Variants in GNAS observed in about 807,000 individuals in gnomAD.
GNAS encodes the protein GNAS complex locus.
A neutral mutation model predicts 54.5 loss-of-function variants in GNAS; 8 were observed. That is an observed-to-expected ratio of 0.15 (90% CI 0.09 to 0.26). GNAS has a LOEUF of 0.26. GNAS is among the 10% of genes least tolerant of loss of function. GNAS has a pLI of 1.00. For synonymous variants in GNAS, 204 were observed against 191.4 expected, an observed-to-expected ratio of 1.07 and a Z score of -0.54; for missense variants, 170 against 529.8, an observed-to-expected ratio of 0.32 and a Z score of 6.67.
chr20:58,859,868 C>T (rs2086692142), intron 1 of GNAS, among the ~76,000 whole-genome samples: 1 of 151,874 alleles, frequency 6.6e-6, no homozygotes, highest in South Asian at 2.1e-4. Flanking sequence ...TCGTGATCCG[C>T]CCGCCTCAGC....
At chr20:58,882,005 T>C (rs2088252829) in intron 1 of GNAS, among the ~76,000 whole-genome samples, 1 of 152,232 alleles carries the variant, frequency 6.6e-6, no homozygotes, top group African/African-American at 2.4e-5. Context: ...AGTTAGATTG[T>C]CTCTTTTCCC....
chr20:58,854,219 CGACGACA>C lies in GNAS; in HGVS notation c.43+13334_43+13340del, dbSNP rs758720981. On this transcript the variant is annotated intron_variant, in intron 1 of 12. Coordinates refer to the GNAS transcript ENST00000306090. ...AGATTGGCAGCGCCCCCGCTGGGGT[CGACGACA>C]CTCCCGTCAACATGGACAGCCCCCC... 3 of 1,613,108 alleles carry C rather than the reference CGACGACA, an allele frequency of 1.9e-6. No individual in the cohort carries two copies. The South Asian group carries it at 3.3e-5, about 18-fold the overall frequency.
intron 1 of GNAS, among the ~76,000 whole-genome samples, chr20:58,844,413 G>A (rs976729825): frequency 1.3e-5 from 2 of 152,152 alleles, no homozygotes; most frequent in African/African-American, 4.8e-5. Context: ...TTGTTCTGTT[G>A]TGGGGTTTTG....
intron 3 of GNAS, chr20:58,902,851 C>T (rs2090754830): frequency 6.5e-6 from 1 of 154,358 alleles, no homozygotes. Context: ...CCTGCCTCAG[C>T]CTCCCTAGTA....
intron 1 of GNAS, chr20:58,855,749 C>A (rs1267519174): frequency 1.6e-6 from 1 of 620,246 alleles, no homozygotes; most frequent in Non-Finnish European, 2.9e-6. Context: ...GCGCGCCCCG[C>A]CTCGCCTGGC....
At chr20:58,886,447 C>A (rs934659979), upstream of GNAS, among the ~76,000 whole-genome samples, 6 of 152,152 alleles carry the variant, frequency 3.9e-5, no homozygotes, top group Non-Finnish European at 5.9e-5. Flanking sequence ...CTTTGTCCCT[C>A]CCTGAAATCT....
At chr20:58,870,655 T>C (rs2087380600) in intron 1 of GNAS, among the ~76,000 whole-genome samples, 1 of 152,226 alleles carries the variant, frequency 6.6e-6, no homozygotes, top group African/African-American at 2.4e-5. Context: ...TCTGTGCTTT[T>C]CTCAGGGGAG....
At chr20:58,872,208 A>G (rs191754175) in intron 1 of GNAS, among the ~76,000 whole-genome samples, 85 of 152,290 alleles carry the variant, frequency 5.6e-4, no homozygotes, top group Admixed American at 3.2e-3. Flanking sequence ...CGATGGTCCA[A>G]TTTTTGTTTT....
At chr20:58,859,407 G>T (rs980264745) in intron 1 of GNAS, among the ~76,000 whole-genome samples, 5 of 152,046 alleles carry the variant, frequency 3.3e-5, no homozygotes, top group African/African-American at 1.2e-4. Context: ...TCACCATGTT[G>T]TTCAAGCTGG....
upstream of GNAS, chr20:58,840,698 G>A (rs371055001): frequency 3.2e-5 from 51 of 1,604,044 alleles, no homozygotes; most frequent in East Asian, 6.2e-4. This position sits in a 1 kb window ranked among gnomAD's most constrained non-coding sequence, Gnocchi z 6.0. Context: ...CAAGCCCGAG[G>A]ACAAAGATCC....
At position 58,899,134 on chromosome 20, in the gene GNAS, C is replaced by A. The variant is rs957927249; in HGVS notation, c.257+149C>A. On this transcript the variant is annotated intron_variant, in intron 3 of 12. Coordinates refer to ENST00000371085, the MANE Select transcript of GNAS (RefSeq NM_000516.7). ...TTGGCATACATTTGTGAATAACACA[C>A]AATTTCCTGACATTTTGGAGCAAGT... 8 of 749,822 alleles carry A rather than the reference C, an allele frequency of 1.1e-5. No homozygotes were observed. In the Admixed American group the frequency reaches 1.4e-4, roughly 13 times the overall value. 46.4% of individuals were successfully genotyped at this position (749,822 alleles called of 1,614,324 possible).
chr20:58,896,641 GA>G (rs906951855), intron 2 of GNAS, among the ~76,000 whole-genome samples: 3 of 150,772 alleles, frequency 2.0e-5, no homozygotes, highest in Admixed American at 1.3e-4. Flanking sequence ...AAAAGAAAAA[GA>G]AAAAACAAAA....
rs374329015 is a variant in GNAS at position 58,909,328 on chromosome 20, A to C, written c.586-22A>C. ...GTTTCGGTTGGCTTTGGTGAGATCC[A>C]TTGACCTCAATTTTGTTTCAGGACC... On this transcript the variant is annotated intron_variant, in intron 7 of 12. Coordinates refer to ENST00000371085, the MANE Select transcript of GNAS (RefSeq NM_000516.7). The surrounding 1 kb of genome is among the most constrained non-coding windows in gnomAD (Gnocchi z 7.3). 4 of 1,607,688 alleles carry C rather than the reference A, an allele frequency of 2.5e-6. No individual in the cohort carries two copies. The highest frequency in any genetic ancestry group is 3.4e-6 in the Non-Finnish European group (4 of 1,174,158).
chr20:58,847,364 T>C (rs936615733), intron 1 of GNAS, among the ~76,000 whole-genome samples: 8 of 152,200 alleles, frequency 5.3e-5, no homozygotes, highest in Non-Finnish European at 1.0e-4. Flanking sequence ...CCTCTGCAGA[T>C]AGCAGTATGC....
rs1235852281 is a variant in GNAS at position 58,891,939 on chromosome 20, G to T, written c.139+74G>T. On this transcript the variant is annotated intron_variant, in intron 1 of 12. Coordinates refer to ENST00000371085, the MANE Select transcript of GNAS (RefSeq NM_000516.7). Reference sequence around the variant, plus strand: ...GCGCCCCGCAGGCCGCGCGCGCCGAGCCCGCCCCCCGCCCCGGGCGCGCGC... The same window carrying T: ...GCGCCCCGCAGGCCGCGCGCGCCGATCCCGCCCCCCGCCCCGGGCGCGCGC... 9 of 890,784 alleles carry T rather than the reference G, an allele frequency of 1.0e-5. No individual in the cohort carries two copies. In the East Asian group the frequency reaches 7.6e-4, roughly 75 times the overall value. The allele number at this position is 890,784 out of a possible 1,614,324, so 55.2% of individuals were successfully genotyped here.
intron 1 of GNAS, chr20:58,855,674 CGG>C (rs2086459267): frequency 1.6e-6 from 1 of 624,700 alleles, no homozygotes; most frequent in East Asian, 3.1e-5. Context: ...GGAGGGGCCC[CGG>C]GGCCCCGGGA....
Position 58,895,462 on chromosome 20 carries a change from G to A in GNAS, c.140-150G>A, listed in dbSNP as rs3730164. The A allele has an allele frequency of 0.091, 62,631 of 689,540 alleles. 5,073 individuals are homozygous for A. Among genetic ancestry groups the A allele is most frequent in the African/African-American group, 0.34 (19,240 of 56,656 alleles). 42.7% of individuals were successfully genotyped at this position (689,540 alleles called of 1,614,324 possible). A position where few individuals can be genotyped will look rare whatever the true frequency, so the allele number is the denominator to read the frequency against. On this transcript the variant is annotated intron_variant, in intron 1 of 12. Transcript: ENST00000371085. The stretch of plus-strand genomic sequence containing the variant: ...ACATTGATTTCCTTTTCTCTGCGTC[G>A]AAATGTCAAGGAAAGTTGCAAGTCT...
At chr20:58,905,501 C>G (rs1229958477) in intron 6 of GNAS, 21 bp downstream of exon 6, 3 of 1,219,298 alleles carry the variant, frequency 2.5e-6, no homozygotes, top group Non-Finnish European at 3.7e-6. Flanking sequence ...GCCACCCAAC[C>G]CATCAGCACA....
At chr20:58,875,050 A>G (rs2087717758) in intron 1 of GNAS, among the ~76,000 whole-genome samples, 1 of 152,134 alleles carries the variant, frequency 6.6e-6, no homozygotes, top group South Asian at 2.1e-4. Flanking sequence ...TCTGTGTAAT[A>G]CAGATTGCTA....
Sources: gnomAD v4.1 joint callset for allele counts (sites outside exome capture counted in the v4.1 genomes callset) on GRCh38, gnomAD v4.1.1 for gene constraint, Gnocchi (gnomAD v3.1) non-coding constraint, MANE v1.5 for transcripts, NCBI Gene and HGNC (gene_info 2026-07-23, HGNC 2026-07-21) for gene names.